Variants in EYS observed in about 807,000 individuals in gnomAD.
The protein encoded by EYS is EGF-like photoreceptor maintenance factor, also known as protein eyes shut homolog.
In EYS, 250 loss-of-function variants were observed where a neutral mutation model predicts 282.1. The ratio of observed to expected loss-of-function variants is 0.89; its 90% CI spans 0.80 to 0.98. The LOEUF (loss-of-function observed/expected upper bound fraction) is 0.98. Among genes scored for constraint, EYS ranks in the 50% least tolerant of loss-of-function variants. The probability of loss-of-function intolerance (pLI) is 0.00; values close to 1 mark genes in which losing one functional copy is unlikely to be tolerated. For missense variants in EYS, 4,016 were observed against 3,709.0 expected, an observed-to-expected ratio of 1.08 and a Z score of -2.15; for synonymous variants, 1,355 against 1,282.9, an observed-to-expected ratio of 1.06 and a Z score of -1.20.
chr6:64,881,090 T>G (rs1367371575), intron 19 of EYS, among the ~76,000 whole-genome samples: 1 of 151,696 alleles, frequency 6.6e-6, no homozygotes, highest in Non-Finnish European at 1.5e-5. Context: ...TGAGACACTT[T>G]GTCCATCCTG....
At chr6:65,458,982 A>C (rs1201646987) in intron 5 of EYS, among the ~76,000 whole-genome samples, 2 of 152,110 alleles carry the variant, frequency 1.3e-5, no homozygotes, top group African/African-American at 4.8e-5. Flanking sequence ...ATAATCTTAC[A>C]AAAAATTTAA....
chr6:64,988,064 A>C (rs1259653658), intron 14 of EYS, among the ~76,000 whole-genome samples: 3 of 151,356 alleles, frequency 2.0e-5, no homozygotes, highest in African/African-American at 7.3e-5. Context: ...AATGTAGGGC[A>C]AAGTTTTGGT....
chr6:64,889,009 CTATTA>C (rs1767188502), intron 18 of EYS, among the ~76,000 whole-genome samples: 1 of 151,932 alleles, frequency 6.6e-6, no homozygotes, highest in Non-Finnish European at 1.5e-5. Context: ...TCTGACAGTT[CTATTA>C]TATTTTTAGA....
At position 65,290,650 on chromosome 6, in the gene EYS, A is replaced by G. The variant is rs377023732; in HGVS notation, c.2023+5213T>C. On this transcript the variant is annotated intron_variant, in intron 12 of 42. Transcript: ENST00000503581. ...GAAATACTTTCCATATCTTTGTATAAAGTCAGCACAAGATTGTAAGGCCAT... is the reference window on the plus strand; with the variant it reads ...GAAATACTTTCCATATCTTTGTATAGAGTCAGCACAAGATTGTAAGGCCAT... 4.6e-5 allele frequency among the ~76,000 whole-genome samples: 7 copies of G among 151,432 alleles called. No individual in the cohort carries two copies. The East Asian group carries it at 1.4e-3, about 29-fold the overall frequency.
intron 36 of EYS, among the ~76,000 whole-genome samples, chr6:63,838,154 G>C (rs1771855737): frequency 6.6e-6 from 1 of 151,710 alleles, no homozygotes; most frequent in Non-Finnish European, 1.5e-5. Context: ...AAAATTCCCA[G>C]ATAACAAAAT....
intron 11 of EYS, among the ~76,000 whole-genome samples, chr6:65,311,414 A>G (rs1247377600): frequency 9.2e-5 from 14 of 152,200 alleles, no homozygotes; most frequent in Non-Finnish European, 2.1e-4. Flanking sequence ...ACTTTAAGCA[A>G]TTACAGATAA....
intron 12 of EYS, among the ~76,000 whole-genome samples, chr6:65,124,422 T>G (rs1485475884): frequency 6.6e-6 from 1 of 152,174 alleles, no homozygotes. Flanking sequence ...CAAAAGATAA[T>G]GTACATGCTT....
At chr6:64,744,435 T>C (rs4128627) in intron 22 of EYS, among the ~76,000 whole-genome samples, 2,591 of 152,266 alleles carry the variant, frequency 0.017, 75 homozygotes, top group African/African-American at 0.058. Flanking sequence ...CTGCCCAATA[T>C]TGGGTTATTC....
chr6:65,257,176 T>C lies in EYS; in HGVS notation c.2023+38687A>G, dbSNP rs1463708041. ...TTGTAGATTCTGGATATTAGCCCTT[T>C]GTCAGATGAGTAGGTTGTGAAAATT... On this transcript the variant is annotated intron_variant, in intron 12 of 42. Transcript: ENST00000503581. 4.8e-4 allele frequency among the ~76,000 whole-genome samples: 29 copies of C among 60,516 alleles called. 1 individual carries two copies. The highest frequency in any genetic ancestry group is 7.9e-4 in the Non-Finnish European group (26 of 32,748). The allele number at this position is 60,516 out of a possible 152,430, so 39.7% of individuals were successfully genotyped here.
At chr6:65,584,806 A>AT (rs1264356905) in intron 2 of EYS, among the ~76,000 whole-genome samples, 1 of 151,364 alleles carries the variant, frequency 6.6e-6, no homozygotes, top group Non-Finnish European at 1.5e-5. Flanking sequence ...CATGAATAAT[A>AT]TATATGTCTT....
chr6:64,397,375 C>T (rs559057232), intron 28 of EYS, among the ~76,000 whole-genome samples: 1 of 152,004 alleles, frequency 6.6e-6, no homozygotes, highest in African/African-American at 2.4e-5. Flanking sequence ...GATGTTATAT[C>T]TACCTTTTAT....
intron 12 of EYS, among the ~76,000 whole-genome samples, chr6:65,059,641 T>C (rs1773513669): frequency 1.3e-5 from 2 of 152,018 alleles, no homozygotes; most frequent in African/African-American, 2.4e-5. Flanking sequence ...AATTTATAAT[T>C]ATTGGGTTCT....
intron 35 of EYS, among the ~76,000 whole-genome samples, chr6:63,963,641 TG>T (rs1766181003): frequency 6.6e-6 from 1 of 152,212 alleles, no homozygotes; most frequent in Admixed American, 6.5e-5. Context: ...TCACAGACTA[TG>T]GGTTTTCATT....
intron 22 of EYS, among the ~76,000 whole-genome samples, chr6:64,751,308 A>G (rs551611964): frequency 6.6e-6 from 1 of 152,250 alleles, no homozygotes; most frequent in South Asian, 2.1e-4. Context: ...ACACTTAGAT[A>G]TCTCTCCAGG....
At chr6:64,340,268 A>G in intron 29 of EYS, among the ~76,000 whole-genome samples, 1 of 151,774 alleles carries the variant, frequency 6.6e-6, no homozygotes, top group South Asian at 2.1e-4. Context: ...AGCCAAATCA[A>G]TTCTAAGCAA....
intron 35 of EYS, among the ~76,000 whole-genome samples, chr6:63,895,246 AT>A (rs56246947): frequency 1.6e-4 from 25 of 151,934 alleles, no homozygotes; most frequent in African/African-American, 5.3e-4. Flanking sequence ...CAATGATTTC[AT>A]TTTTTTTTCA....
chr6:64,085,319 CGCGCGT>C (rs1472066794), intron 31 of EYS, among the ~76,000 whole-genome samples: 2 of 135,108 alleles, frequency 1.5e-5, no homozygotes, highest in Non-Finnish European at 3.1e-5. Flanking sequence ...TCCAGACGCG[CGCGCGT>C]GCGCACGTGC....
intron 32 of EYS, among the ~76,000 whole-genome samples, chr6:64,073,764 G>A (rs1362769707): frequency 6.6e-6 from 1 of 150,850 alleles, no homozygotes; most frequent in East Asian, 1.9e-4. Context: ...TTATATATAT[G>A]TGTGTGTGTG....
intron 12 of EYS, among the ~76,000 whole-genome samples, chr6:65,161,097 T>C (rs1764840861): frequency 6.6e-6 from 1 of 151,026 alleles, no homozygotes; most frequent in African/African-American, 2.4e-5. Context: ...CTTTAGATTA[T>C]CATGTAAGTC....
Sources: allele counts gnomAD v4.1 joint callset (sites outside exome capture counted in the v4.1 genomes callset), GRCh38; gene constraint gnomAD v4.1.1; transcripts MANE v1.5; gene names NCBI Gene and HGNC (gene_info 2026-07-23, HGNC 2026-07-21).